The following PGAP2 variants were observed in gnomAD, a reference collection of about 807,000 sequenced individuals.
The protein encoded by PGAP2 is acyltransferase PGAP2.
A neutral mutation model predicts 33.2 loss-of-function variants in PGAP2; 21 were observed. The ratio of observed to expected loss-of-function variants is 0.63; its 90% CI spans 0.45 to 0.91. The LOEUF (loss-of-function observed/expected upper bound fraction) is 0.91, where lower values mean the gene tolerates loss of function less well. Ranked by LOEUF, PGAP2 falls within the 40% of genes least tolerant of loss-of-function variation. The pLI, the probability that PGAP2 is intolerant of heterozygous loss-of-function variation, is 0.00. For missense variants in PGAP2, 345 were observed against 424.0 expected (o/e 0.81, Z 1.64); for synonymous variants, 161 against 172.9 (o/e 0.93, Z 0.54).
chr11:3,817,886 A>G (rs1257087399), intron 3 of PGAP2: 1 of 472,808 alleles, frequency 2.1e-6, no homozygotes, highest in African/African-American at 2.0e-5. Context: ...TGTACAAAAA[A>G]TGCAAAAAAA....
chr11:3,806,090 A>G (rs2084284282), upstream of PGAP2, among the ~76,000 whole-genome samples: 1 of 152,158 alleles, frequency 6.6e-6, no homozygotes, highest in Admixed American at 6.6e-5. Flanking sequence ...CCAGAGAATT[A>G]AAGAATTAAT....
chr11:3,822,307 TG>T (rs1420611161), intron 3 of PGAP2, among the ~76,000 whole-genome samples: 3 of 152,014 alleles, frequency 2.0e-5, no homozygotes, highest in Non-Finnish European at 4.4e-5. Context: ...GAGCTTGCAG[TG>T]AGCCAAGATC....
At chr11:3,801,258 T>C (rs940139569) in intron 1 of PGAP2, among the ~76,000 whole-genome samples, 1 of 152,110 alleles carries the variant, frequency 6.6e-6, no homozygotes, top group African/African-American at 2.4e-5. Flanking sequence ...AGGGTCGTAG[T>C]GAGCATTAAA....
Position 3,825,798 on chromosome 11 carries a change from C to G in PGAP2, c.*340C>G, listed in dbSNP as rs986773153. The G allele has an allele frequency of 4.5e-6, 1 of 220,080 alleles. No homozygotes were observed. Among genetic ancestry groups the G allele is most frequent in the Non-Finnish European group, 9.2e-6 (1 of 108,702 alleles). 13.6% of individuals were successfully genotyped at this position (220,080 alleles called of 1,614,324 possible). On this transcript the variant is annotated 3_prime_UTR_variant, in exon 7 of 7. Transcript: ENST00000278243. ...TTACACAGTCACCTTTCACTGAGGT[C>G]AGGAGCCCCTGAGCAGTGGCTGCTC...
At position 3,823,878 on chromosome 11, in the gene PGAP2, T is replaced by C; in HGVS notation, c.349-5T>C. ...CAGATGCCCAGACAGGTCACAACTC[T>C]CTAGGTGCCCAATTACCTGCCCTCG... On this transcript the variant is annotated splice_region_variant and splice_polypyrimidine_tract_variant and intron_variant, in intron 3 of 6. Transcript: ENST00000278243. The C allele has an allele frequency of 3.7e-6, 6 of 1,601,976 alleles. No homozygotes were observed. Among genetic ancestry groups the C allele is most frequent in the Non-Finnish European group, 5.1e-6 (6 of 1,179,778 alleles).
upstream of PGAP2, chr11:3,808,238 G>A (rs906516374): frequency 6.7e-5 from 103 of 1,545,338 alleles, no homozygotes; most frequent in Non-Finnish European, 8.2e-5. Context: ...AGGAGAGACG[G>A]GCGGATGAGA....
At chr11:3,803,793 A>ATT (rs1436051055), upstream of PGAP2, among the ~76,000 whole-genome samples, 6 of 72,384 alleles carry the variant, frequency 8.3e-5, no homozygotes, top group East Asian at 3.3e-3. Flanking sequence ...CTATATATAT[A>ATT]TATATTTTTT....
At chr11:3,800,022 AAC>A (rs1222061687) in intron 1 of PGAP2, among the ~76,000 whole-genome samples, 2 of 152,206 alleles carry the variant, frequency 1.3e-5, no homozygotes, top group Non-Finnish European at 2.9e-5. Context: ...GGATGGAAGA[AAC>A]ACGGTACATT....
chr11:3,823,012 C>CT, intron 3 of PGAP2: 2 of 456,208 alleles, frequency 4.4e-6, no homozygotes, highest in Admixed American at 5.1e-5. Context: ...CACCCACTTT[C>CT]TTTTTTCTTT....
At chr11:3,808,060 G>C, upstream of PGAP2, 1 of 1,418,134 alleles carries the variant, frequency 7.1e-7, no homozygotes, top group Non-Finnish European at 9.2e-7. Flanking sequence ...TCTGGGATGT[G>C]CCTCACCGGG....
Position 3,798,023 on chromosome 11 carries a change from T to G in PGAP2, c.139+41T>G, listed in dbSNP as rs2082807499. ...TTTCCTTGCCCCGGTCCGCCGGCGC[T>G]GCTGGGAAGGCTTCCTAGTCTCTCT... On this transcript the variant is annotated intron_variant, in intron 1 of 6. Coordinates refer to the PGAP2 transcript ENST00000300730. The G allele has an allele frequency of 3.3e-6, 5 of 1,537,900 alleles. No homozygotes were observed. In the African/African-American group the frequency reaches 4.2e-5, roughly 13 times the overall value.
rs138861663 is a variant in PGAP2, at chr11:3,817,401, G to A, written c.214G>A (p.Asp72Asn). The A allele has an allele frequency of 8.7e-6, 14 of 1,614,178 alleles. No individual in the cohort carries two copies. Among genetic ancestry groups the A allele is most frequent in the South Asian group, 3.3e-5 (3 of 91,078 alleles). ...FSAASQPLDP[D>N]GTLFRLRFTA... ...TGCGGCCTCCCAGCCTTTGGACCCCGATGGGACCTTGTTCCGGCTTCGCTT... is the reference window on the plus strand; with the variant it reads ...TGCGGCCTCCCAGCCTTTGGACCCCAATGGGACCTTGTTCCGGCTTCGCTT... The change falls in exon 3 of 7, where the codon GAT becomes AAT. Residue 72 changes from aspartate to asparagine, a missense_variant. By Grantham distance (23) the Asp-to-Asn change is conservative. Coordinates refer to ENST00000278243, the MANE Select transcript of PGAP2 (RefSeq NM_014489.4).
At chr11:3,804,633 A>G (rs1437567875), upstream of PGAP2, among the ~76,000 whole-genome samples, 1 of 151,956 alleles carries the variant, frequency 6.6e-6, no homozygotes, top group Non-Finnish European at 1.5e-5. Context: ...TTCAAAACCC[A>G]GTTCCATTAA....
intron 1 of PGAP2, among the ~76,000 whole-genome samples, chr11:3,802,623 G>A (rs974907760): frequency 5.9e-5 from 9 of 152,132 alleles, no homozygotes; most frequent in African/African-American, 2.2e-4. Flanking sequence ...AGGATTGGTG[G>A]TTAGGGAGGA....
At chr11:3,805,456 G>A (rs916211748), upstream of PGAP2, among the ~76,000 whole-genome samples, 2 of 151,214 alleles carry the variant, frequency 1.3e-5, no homozygotes, top group Admixed American at 6.6e-5. Flanking sequence ...TACAGATGCT[G>A]TTGCCATGTT....
intron 2 of PGAP2, among the ~76,000 whole-genome samples, chr11:3,814,851 CTTCTTTCTTTCTT>C (rs1565013971): frequency 8.7e-6 from 1 of 115,330 alleles, no homozygotes; most frequent in African/African-American, 3.4e-5. Flanking sequence ...TCTTTCTTTC[CTTCTTTCTTTCTT>C]TTCTTTCTTT....
chr11:3,798,246 G>A (rs567137758), intron 1 of PGAP2: 2 of 825,832 alleles, frequency 2.4e-6, no homozygotes, highest in African/African-American at 1.8e-5. Context: ...GATGCCCTAA[G>A]GGACTGGCCC....
At chr11:3,807,096 G>A (rs2084513694), upstream of PGAP2, among the ~76,000 whole-genome samples, 1 of 150,712 alleles carries the variant, frequency 6.6e-6, no homozygotes, top group Non-Finnish European at 1.5e-5. Flanking sequence ...AGCTCTTTGG[G>A]AAGCCAAGGC....
chr11:3,821,562 G>A (rs1034204781), intron 3 of PGAP2, among the ~76,000 whole-genome samples: 8 of 151,918 alleles, frequency 5.3e-5, no homozygotes, highest in African/African-American at 1.7e-4. Flanking sequence ...GTTCTGAGAC[G>A]AGCCTGCCCA....
Sources: allele counts gnomAD v4.1 joint callset (sites outside exome capture counted in the v4.1 genomes callset), GRCh38; gene constraint gnomAD v4.1.1; transcripts MANE v1.5; gene names NCBI Gene and HGNC (gene_info 2026-07-23, HGNC 2026-07-21).